ERBB4: variants seen among roughly 807,000 people sequenced by gnomAD.
The protein encoded by ERBB4 is erb-b2 receptor tyrosine kinase 4.
Under a neutral mutation model 158.0 loss-of-function variants are expected in ERBB4, and 42 were observed. The observed-to-expected ratio is 0.27, with a 90% CI of 0.21 to 0.34. The LOEUF is 0.34. ERBB4 is among the 10% of genes least tolerant of loss of function. The pLI is 1.00. For synonymous variants in ERBB4, 583 were observed against 558.7 expected (o/e 1.04, Z -0.61); for missense variants, 1,333 against 1,624.1 (o/e 0.82, Z 3.08).
intron 3 of ERBB4, among the ~76,000 whole-genome samples, chr2:211,940,319 C>T (rs1273347678): frequency 1.3e-5 from 2 of 152,094 alleles, no homozygotes; most frequent in African/African-American, 2.4e-5. Flanking sequence ...ATTTGGGACT[C>T]TGAGGAGCAA....
chr2:211,847,631 G>C (rs11903468), intron 3 of ERBB4, among the ~76,000 whole-genome samples: 3 of 91,140 alleles, frequency 3.3e-5, no homozygotes, highest in East Asian at 3.6e-4. Context: ...AAAACATTAT[G>C]ATTTTTTTTT....
intron 19 of ERBB4, among the ~76,000 whole-genome samples, chr2:211,595,898 C>T (rs2068617076): frequency 6.6e-6 from 1 of 151,986 alleles, no homozygotes; most frequent in Non-Finnish European, 1.5e-5. Context: ...GGAACCAATC[C>T]CTCCCTGGAT....
chr2:211,782,745 T>A (rs2076067090), intron 4 of ERBB4, among the ~76,000 whole-genome samples: 1 of 152,192 alleles, frequency 6.6e-6, no homozygotes, highest in Non-Finnish European at 1.5e-5. Context: ...TCTGTTTTGG[T>A]ACCAGTACCA....
chr2:212,104,532 A>G (rs1211949540), intron 2 of ERBB4, among the ~76,000 whole-genome samples: 1 of 152,164 alleles, frequency 6.6e-6, no homozygotes, highest in Admixed American at 6.5e-5. Context: ...AGAACTGTAA[A>G]TACATTGGGT....
chr2:212,418,533 A>G (rs1281125927), intron 1 of ERBB4, among the ~76,000 whole-genome samples: 1 of 150,244 alleles, frequency 6.7e-6, no homozygotes, highest in Admixed American at 6.6e-5. Context: ...AAAATAAAAT[A>G]AACATATATA....
chr2:211,712,733 A>G (rs1341330104), intron 8 of ERBB4, among the ~76,000 whole-genome samples: 1 of 151,368 alleles, frequency 6.6e-6, no homozygotes, highest in African/African-American at 2.4e-5. Flanking sequence ...TGCTTTCTGA[A>G]GCTTCTAATT....
intron 2 of ERBB4, among the ~76,000 whole-genome samples, chr2:211,983,585 C>G (rs939118658): frequency 6.6e-6 from 1 of 152,090 alleles, no homozygotes; most frequent in Non-Finnish European, 1.5e-5. Context: ...GAAGATAAAT[C>G]AAAACAGAAT....
intron 3 of ERBB4, among the ~76,000 whole-genome samples, chr2:211,846,414 C>T (rs2077590931): frequency 6.6e-6 from 1 of 152,094 alleles, no homozygotes; most frequent in Non-Finnish European, 1.5e-5. Context: ...TCAATATCCT[C>T]CTTTTATTAT....
At chr2:212,129,542 C>T (rs1468282188) in intron 1 of ERBB4, among the ~76,000 whole-genome samples, 4 of 151,578 alleles carry the variant, frequency 2.6e-5, no homozygotes, top group Non-Finnish European at 4.4e-5. Context: ...GTTTAAACTT[C>T]TTATAATGAA....
At chr2:212,236,583 A>T (rs2083884791) in intron 1 of ERBB4, among the ~76,000 whole-genome samples, 3 of 152,198 alleles carry the variant, frequency 2.0e-5, no homozygotes, top group African/African-American at 7.2e-5. Flanking sequence ...TTAGCTCCGA[A>T]TCCATCTGGT....
intron 7 of ERBB4, among the ~76,000 whole-genome samples, chr2:211,716,679 A>C (rs955747700): frequency 2.4e-4 from 37 of 151,282 alleles, no homozygotes; most frequent in Non-Finnish European, 3.8e-4. Context: ...CCGTCTCAAA[A>C]AACAACAACA....
At chr2:212,458,287 G>A (rs115403217) in intron 1 of ERBB4, among the ~76,000 whole-genome samples, 2,896 of 151,982 alleles carry the variant, frequency 0.019, 37 homozygotes, top group Non-Finnish European at 0.03. Context: ...TTTTTAGGGG[G>A]TAGGGAATCA....
rs549254649 is a variant in ERBB4 at position 211,571,041 on chromosome 2, CTTTTTTTTT to C, written c.2302-8962_2302-8954del. 2.8e-5 allele frequency among the ~76,000 whole-genome samples: 3 copies of C among 109,078 alleles called. 1 individual carries two copies. The highest frequency in any genetic ancestry group is 1.1e-4 in the African/African-American group (3 of 28,156). 71.6% of individuals were successfully genotyped at this position (109,078 alleles called of 152,430 possible). A position where few individuals can be genotyped will look rare whatever the true frequency, so the allele number is the denominator to read the frequency against. On this transcript the variant is annotated intron_variant, in intron 19 of 27. Coordinates refer to ENST00000342788, the MANE Select transcript of ERBB4 (RefSeq NM_005235.3). ...TTTTCACTCTCTGAGTACTCTTCTT[CTTTTTTTTT>C]TTTTTTTTTTTGAGACGGAGTCTTG...
At chr2:212,189,707 G>T (rs987263407) in intron 1 of ERBB4, among the ~76,000 whole-genome samples, 2 of 152,088 alleles carry the variant, frequency 1.3e-5, no homozygotes, top group Non-Finnish European at 2.9e-5. Flanking sequence ...TGAATAAAAT[G>T]GTTTATTCTC....
intron 2 of ERBB4, among the ~76,000 whole-genome samples, chr2:212,058,112 C>T (rs558909483): frequency 6.4e-4 from 98 of 152,264 alleles, no homozygotes; most frequent in African/African-American, 1.8e-3. Flanking sequence ...GGGGATATCA[C>T]CACTGATCCC....
At chr2:211,524,657 G>T (rs79379250) in intron 20 of ERBB4, among the ~76,000 whole-genome samples, 1 of 144,406 alleles carries the variant, frequency 6.9e-6, no homozygotes, top group Admixed American at 6.9e-5. Context: ...CGGCAGGGCC[G>T]CCGGCTGCTC....
At chr2:211,468,230 A>G (rs1334955475) in intron 20 of ERBB4, among the ~76,000 whole-genome samples, 1 of 152,182 alleles carries the variant, frequency 6.6e-6, no homozygotes, top group Non-Finnish European at 1.5e-5. Context: ...ACATGCAGGC[A>G]AGGATATGCT....
At chr2:211,552,800 T>G (rs2067135760) in intron 20 of ERBB4, among the ~76,000 whole-genome samples, 2 of 152,142 alleles carry the variant, frequency 1.3e-5, no homozygotes, top group South Asian at 4.1e-4. Flanking sequence ...AACTAAAATT[T>G]TTGCAGGAAT....
Position 212,286,767 on chromosome 2 carries a change from A to ATTTTTT in ERBB4, c.83-161870_83-161865dup, listed in dbSNP as rs748586400. Among the ~76,000 whole-genome samples, 16 of 39,558 alleles carry ATTTTTT rather than the reference A, an allele frequency of 4.0e-4. 3 individuals are homozygous for ATTTTTT. In the South Asian group the frequency reaches 5.0e-3, roughly 12 times the overall value. 26.0% of individuals were successfully genotyped at this position (39,558 alleles called of 152,430 possible). The stretch of plus-strand genomic sequence containing the variant: ...TAGGCGGGTGGCACCATGAGGGTTA[A>ATTTTTT]TTTTTTTTTTTTTTTTTTTTTTTGT... On this transcript the variant is annotated intron_variant, in intron 1 of 27. Coordinates refer to ENST00000342788, the MANE Select transcript of ERBB4 (RefSeq NM_005235.3).
Sources: gnomAD v4.1 joint callset for allele counts (sites outside exome capture counted in the v4.1 genomes callset) on GRCh38, gnomAD v4.1.1 for gene constraint, MANE v1.5 for transcripts, NCBI Gene and HGNC (gene_info 2026-07-23, HGNC 2026-07-21) for gene names.